Variants in CTNND2 observed in about 807,000 individuals in gnomAD.
The protein encoded by CTNND2 is catenin delta-2.
In CTNND2, 22 loss-of-function variants were observed where a neutral mutation model predicts 144.4. The ratio of observed to expected loss-of-function variants is 0.15; its 90% CI spans 0.11 to 0.22. CTNND2 has a LOEUF of 0.22. Among genes scored for constraint, CTNND2 ranks in the 10% least tolerant of loss-of-function variants. CTNND2 has a pLI of 1.00. For synonymous variants in CTNND2, 751 were observed against 695.6 expected (o/e 1.08, Z -1.25); for missense variants, 1,353 against 1,618.8 (o/e 0.84, Z 2.82).
rs544355682 is a variant in CTNND2, at chr5:11,784,508, T to C, written c.38-52236A>G. Among the ~76,000 whole-genome samples, 15 of 152,300 alleles carry C rather than the reference T, an allele frequency of 9.8e-5. No individual in the cohort carries two copies. In the South Asian group the frequency reaches 3.1e-3, roughly 32 times the overall value. On this transcript the variant is annotated intron_variant, in intron 1 of 21. Transcript: ENST00000304623. ...CACAGATGTGGAAAAGATCTGTAAATACAATGGGATATCCTTCCATTGATT... is the reference window on the plus strand; with the variant it reads ...CACAGATGTGGAAAAGATCTGTAAACACAATGGGATATCCTTCCATTGATT...
At chr5:11,160,132 T>TA (rs1449491589) in intron 11 of CTNND2, among the ~76,000 whole-genome samples, 3 of 152,246 alleles carry the variant, frequency 2.0e-5, no homozygotes, top group African/African-American at 7.2e-5. Context: ...AATGGACTAG[T>TA]AGAGCATCTT....
At chr5:11,769,549 T>C (rs1316960924) in intron 1 of CTNND2, among the ~76,000 whole-genome samples, 1 of 152,154 alleles carries the variant, frequency 6.6e-6, no homozygotes, top group Non-Finnish European at 1.5e-5. Flanking sequence ...AAAATGGCAA[T>C]TTATTCTACT....
intron 2 of CTNND2, among the ~76,000 whole-genome samples, chr5:11,668,653 G>A (rs1312998217): frequency 6.6e-6 from 1 of 152,174 alleles, no homozygotes; most frequent in Non-Finnish European, 1.5e-5. Flanking sequence ...ATCAGCTTAA[G>A]GAGATTTGGG....
At chr5:11,270,844 ATAGT>A (rs1303494891) in intron 9 of CTNND2, among the ~76,000 whole-genome samples, 3 of 152,234 alleles carry the variant, frequency 2.0e-5, no homozygotes, top group South Asian at 4.1e-4. Flanking sequence ...TAACCAAATA[ATAGT>A]TAGTTCATGT....
intron 2 of CTNND2, among the ~76,000 whole-genome samples, chr5:11,689,696 G>A (rs1360659562): frequency 6.6e-6 from 1 of 151,826 alleles, no homozygotes; most frequent in Non-Finnish European, 1.5e-5. Flanking sequence ...ATTTTATTAT[G>A]GTGATATTTT....
At chr5:11,618,557 A>G (rs568611061) in intron 2 of CTNND2, among the ~76,000 whole-genome samples, 54 of 152,360 alleles carry the variant, frequency 3.5e-4, no homozygotes, top group African/African-American at 1.2e-3. Flanking sequence ...GCATGCACAT[A>G]TATCTTATAG....
chr5:11,662,187 G>A (rs1251955795), intron 2 of CTNND2, among the ~76,000 whole-genome samples: 16 of 122,246 alleles, frequency 1.3e-4, no homozygotes, highest in African/African-American at 2.9e-4. Flanking sequence ...ACATATATGT[G>A]TATATATGTG....
At chr5:10,999,877 T>C (rs1025878216) in intron 18 of CTNND2, among the ~76,000 whole-genome samples, 5 of 152,226 alleles carry the variant, frequency 3.3e-5, no homozygotes, top group Non-Finnish European at 7.3e-5. Flanking sequence ...GTGTTTCTTA[T>C]GAAACTTTAT....
intron 9 of CTNND2, among the ~76,000 whole-genome samples, chr5:11,333,389 C>T (rs41079): frequency 6.6e-6 from 1 of 151,950 alleles, no homozygotes; most frequent in Non-Finnish European, 1.5e-5. Context: ...TTAGTCTTCA[C>T]AGTAGATAGG....
rs1792169439 is a variant in CTNND2 at position 11,809,051 on chromosome 5, A to G, written c.38-76779T>C. ...ATTCTTGGGATATAATTCCTTGGTA[A>G]TGCTGCAGGTTGAGCATTGCGCAAA... is the stretch of plus-strand genomic sequence containing the variant. On this transcript the variant is annotated intron_variant, in intron 1 of 21. Transcript: ENST00000304623. 2.6e-5 allele frequency among the ~76,000 whole-genome samples: 4 copies of G among 152,188 alleles called. No homozygotes were observed. In the South Asian group the frequency reaches 8.3e-4, roughly 31 times the overall value.
rs1255105398 is a variant in CTNND2, at chr5:11,010,771, AAG to A, written c.3084+7201_3084+7202del. Among the ~76,000 whole-genome samples, 3 of 152,266 alleles carry A rather than the reference AAG, an allele frequency of 2.0e-5. No individual in the cohort carries two copies. In the East Asian group the frequency reaches 5.8e-4, roughly 29 times the overall value. On this transcript the variant is annotated intron_variant, in intron 18 of 21. Coordinates refer to ENST00000304623, the MANE Select transcript of CTNND2 (RefSeq NM_001332.4). ...GAAATGAATCCAAGAGCAGTAAGGAAAGAGAGCCTGGTGTGAGACAGGCCATG... is the reference window on the plus strand; with the variant it reads ...GAAATGAATCCAAGAGCAGTAAGGAAAGAGCCTGGTGTGAGACAGGCCATG...
At chr5:11,484,624 C>A (rs1238403622) in intron 3 of CTNND2, among the ~76,000 whole-genome samples, 1 of 152,220 alleles carries the variant, frequency 6.6e-6, no homozygotes, top group Non-Finnish European at 1.5e-5. Context: ...ACAACTATAT[C>A]TTCGCAGTTT....
chr5:11,632,144 G>A (rs1203548713), intron 2 of CTNND2, among the ~76,000 whole-genome samples: 1 of 152,196 alleles, frequency 6.6e-6, no homozygotes, highest in African/African-American at 2.4e-5. Context: ...AAGTTTTCCA[G>A]AAGGACTCTA....
At chr5:11,406,646 T>C (rs1251911835) in intron 5 of CTNND2, among the ~76,000 whole-genome samples, 1 of 152,164 alleles carries the variant, frequency 6.6e-6, no homozygotes, top group Non-Finnish European at 1.5e-5. Flanking sequence ...AAATTAAGTA[T>C]ATTCACAGTA....
chr5:11,321,453 C>T (rs1260714025), intron 9 of CTNND2, among the ~76,000 whole-genome samples: 1 of 152,188 alleles, frequency 6.6e-6, no homozygotes, highest in African/African-American at 2.4e-5. Context: ...GGACAAATAG[C>T]TGTGACTTAC....
At chr5:11,228,353 CAAAA>C (rs564048343) in intron 10 of CTNND2, among the ~76,000 whole-genome samples, 3 of 26,734 alleles carry the variant, frequency 1.1e-4, no homozygotes, top group Non-Finnish European at 7.9e-5. Flanking sequence ...CTCTCTCTCT[CAAAA>C]AAAAAAAAAA....
At chr5:11,787,793 G>A (rs1287447692) in intron 1 of CTNND2, among the ~76,000 whole-genome samples, 1 of 152,174 alleles carries the variant, frequency 6.6e-6, no homozygotes, top group Non-Finnish European at 1.5e-5. Flanking sequence ...AGTAGGTAAA[G>A]ATAAAATAGA....
At chr5:11,886,310 G>C (rs1002962189) in intron 1 of CTNND2, among the ~76,000 whole-genome samples, 14 of 152,000 alleles carry the variant, frequency 9.2e-5, no homozygotes, top group African/African-American at 3.4e-4. Context: ...ATAGTACTTT[G>C]TTTATCTGGT....
At chr5:11,057,749 A>G (rs1289643673) in intron 16 of CTNND2, among the ~76,000 whole-genome samples, 2 of 152,236 alleles carry the variant, frequency 1.3e-5, no homozygotes, top group Non-Finnish European at 2.9e-5. Flanking sequence ...AGATAGAAAA[A>G]TATGGGAAAG....
Sources: allele counts gnomAD v4.1 joint callset (sites outside exome capture counted in the v4.1 genomes callset), GRCh38; gene constraint gnomAD v4.1.1; transcripts MANE v1.5; gene names NCBI Gene and HGNC (gene_info 2026-07-23, HGNC 2026-07-21).